Variants in MFN1 observed in about 807,000 individuals in gnomAD.
The protein encoded by MFN1 is mitofusin 1.
Under a neutral mutation model 92.4 loss-of-function variants are expected in MFN1, and 65 were observed. The observed-to-expected ratio is 0.70, with a 90% confidence interval of 0.58 to 0.86. MFN1 has a LOEUF of 0.86. Ranked by LOEUF, MFN1 falls within the 40% of genes least tolerant of loss-of-function variation. The probability of loss-of-function intolerance (pLI) is 0.00; values close to 1 mark genes in which losing one functional copy is unlikely to be tolerated. For synonymous variants in MFN1, 297 were observed against 300.9 expected (o/e 0.99, Z 0.13); for missense variants, 781 against 868.0 (o/e 0.90, Z 1.26).
chr3:179,378,335 TAAC>T lies in MFN1; in HGVS notation c.1330-4_1330-2del, dbSNP rs762615937. ...AAATAATATGGATATTTACCATTGT[TAAC>T]AGGAATTAAATAAGCACATAGAGGA... On this transcript the variant is annotated splice_region_variant and splice_polypyrimidine_tract_variant and intron_variant, in intron 12 of 17. Coordinates refer to ENST00000471841, the MANE Select transcript of MFN1 (RefSeq NM_033540.3). The T allele has an allele frequency of 6.4e-7, 1 of 1,571,540 alleles. No individual in the cohort carries two copies. Among genetic ancestry groups the T allele is most frequent in the Non-Finnish European group, 8.6e-7 (1 of 1,159,812 alleles).
intron 5 of MFN1, 68 bp downstream of exon 5, chr3:179,362,550 C>T: frequency 7.3e-7 from 1 of 1,376,402 alleles, no homozygotes; most frequent in Non-Finnish European, 9.7e-7. Context: ...CTTACTTTAG[C>T]ATATGGTATA....
intron 16 of MFN1, among the ~76,000 whole-genome samples, chr3:179,387,857 T>G (rs1004723770): frequency 2.6e-5 from 4 of 151,776 alleles, no homozygotes; most frequent in African/African-American, 9.6e-5. Flanking sequence ...GCCTCCCAAG[T>G]AGCTGGGACT....
Position 179,367,605 on chromosome 3 carries a change from T to G in MFN1, c.907+13T>G, listed in dbSNP as rs1198888230. On this transcript the variant is annotated intron_variant, in intron 8 of 17. Coordinates refer to ENST00000471841, the MANE Select transcript of MFN1 (RefSeq NM_033540.3). Reference sequence around the variant, plus strand: ...ATGCCAGAAAGTGGTATGCATTACCTATAGATTTCCTGTTTAAATATAAAA... The same window carrying G: ...ATGCCAGAAAGTGGTATGCATTACCGATAGATTTCCTGTTTAAATATAAAA... 6.3e-7 allele frequency: 1 copy of G among 1,586,950 alleles called. No homozygotes were observed. The highest frequency in any genetic ancestry group is 8.5e-7 in the Non-Finnish European group (1 of 1,170,870).
chr3:179,380,599 C>T (rs1713427382), intron 14 of MFN1, among the ~76,000 whole-genome samples: 1 of 152,184 alleles, frequency 6.6e-6, no homozygotes, highest in African/African-American at 2.4e-5. Context: ...CTATTCTGCT[C>T]ATCGTCTAGC....
chr3:179,358,994 A>T lies in MFN1; in HGVS notation c.403A>T (p.Ser135Cys). 1.2e-6 allele frequency: 2 copies of T among 1,613,750 alleles called. No homozygotes were observed. The highest frequency in any genetic ancestry group is 4.5e-5 in the East Asian group (2 of 44,834). Reference sequence around the variant, plus strand: ...GACAGAAGGATCAGATGAAAAAAAGAGTGTGAAGGTATGATCTTTAACCTT... The same window carrying T: ...GACAGAAGGATCAGATGAAAAAAAGTGTGTGAAGGTATGATCTTTAACCTT... ...LMTEGSDEKK[S>C]VKTVNQLAHA... The change falls in exon 4 of 18, where the codon AGT (serine) becomes TGT (cysteine). Residue 135 changes from serine (S) to cysteine (C), a missense_variant. Physicochemically the swap from Ser to Cys is moderately radical, Grantham distance 112. Transcript: ENST00000471841.
chr3:179,384,050 T>A (rs1713576508), intron 14 of MFN1, among the ~76,000 whole-genome samples: 1 of 152,208 alleles, frequency 6.6e-6, no homozygotes, highest in South Asian at 2.1e-4. Flanking sequence ...TCTGGAGGTT[T>A]CCTATAAATG....
intron 14 of MFN1, among the ~76,000 whole-genome samples, chr3:179,381,925 G>C (rs1713482805): frequency 1.3e-5 from 2 of 152,168 alleles, no homozygotes; most frequent in Non-Finnish European, 1.5e-5. Context: ...CACTCAACCT[G>C]TAGTATGCTT....
intron 2 of MFN1, 44 bp downstream of exon 2, chr3:179,349,007 T>A (rs775898246): frequency 1.3e-6 from 2 of 1,486,904 alleles, no homozygotes; most frequent in African/African-American, 1.4e-5. Context: ...GTTGAAAATA[T>A]ATAAAAGTGC....
chr3:179,364,981 C>A, intron 6 of MFN1, 137 bp from the exon 7 acceptor site: 1 of 456,846 alleles, frequency 2.2e-6, no homozygotes, highest in Non-Finnish European at 3.9e-6. Context: ...AAGTTTAATG[C>A]TCATAGAGTG....
intron 16 of MFN1, among the ~76,000 whole-genome samples, chr3:179,387,191 T>TGA (rs1713717790): frequency 6.6e-6 from 1 of 152,114 alleles, no homozygotes; most frequent in South Asian, 2.1e-4. Flanking sequence ...CCTGAGTAGC[T>TGA]GAGATTATAG....
intron 7 of MFN1, among the ~76,000 whole-genome samples, chr3:179,366,305 G>A (rs762036458): frequency 2.6e-5 from 4 of 151,968 alleles, no homozygotes; most frequent in Non-Finnish European, 5.9e-5. Flanking sequence ...TAAATATATA[G>A]CACCAGAGTT....
Position 179,392,077 on chromosome 3 carries a change from G to A in MFN1, c.*18G>A. 2 of 1,550,248 alleles carry A rather than the reference G, an allele frequency of 1.3e-6. No homozygotes were observed. Among genetic ancestry groups the A allele is most frequent in the South Asian group, 1.1e-5 (1 of 87,284 alleles). On this transcript the variant is annotated 3_prime_UTR_variant, in exon 18 of 18. Coordinates refer to ENST00000471841, the MANE Select transcript of MFN1 (RefSeq NM_033540.3). ...AATCCTAACAATAGAGATTGCTTTGGTGACCATGATAGGAGGAAACGAAAC... is the reference window on the plus strand; with the variant it reads ...AATCCTAACAATAGAGATTGCTTTGATGACCATGATAGGAGGAAACGAAAC...
intron 13 of MFN1, 43 bp downstream of exon 13, chr3:179,378,486 A>T (rs775574210): frequency 1.2e-5 from 19 of 1,539,676 alleles, no homozygotes; most frequent in Non-Finnish European, 1.5e-5. Context: ...TTGTTTTTTC[A>T]TTCATGACTG....
At chr3:179,372,765 A>G (rs1179669672) in intron 9 of MFN1, among the ~76,000 whole-genome samples, 2 of 152,162 alleles carry the variant, frequency 1.3e-5, no homozygotes, top group Non-Finnish European at 2.9e-5. Context: ...TTCATTGCTG[A>G]TATCTAGATC....
At chr3:179,351,409 C>T (rs1017355891) in intron 2 of MFN1, among the ~76,000 whole-genome samples, 6 of 152,158 alleles carry the variant, frequency 3.9e-5, no homozygotes, top group Non-Finnish European at 7.3e-5. Context: ...AGCTGTTTCA[C>T]CTCATCCCTG....
chr3:179,364,998 G>T lies in MFN1; in HGVS notation c.646-120G>T. 3 of 501,278 alleles carry T rather than the reference G, an allele frequency of 6.0e-6. No homozygotes were observed. In the South Asian group the frequency reaches 1.4e-4, roughly 23 times the overall value. 31.1% of individuals were successfully genotyped at this position (501,278 alleles called of 1,614,324 possible). On this transcript the variant is annotated intron_variant, in intron 6 of 17. Coordinates refer to ENST00000471841, the MANE Select transcript of MFN1 (RefSeq NM_033540.3). Reference sequence around the variant, plus strand: ...GTTTAATGCTCATAGAGTGCTTTGGGATCCTTTGTCAGTGGTGTTAATTAC... The same window carrying T: ...GTTTAATGCTCATAGAGTGCTTTGGTATCCTTTGTCAGTGGTGTTAATTAC...
At position 179,392,287 on chromosome 3, in the gene MFN1, T is replaced by G; in HGVS notation, c.*228T>G. 2.9e-6 allele frequency: 1 copy of G among 345,872 alleles called. No individual in the cohort carries two copies. Among genetic ancestry groups the G allele is most frequent in the Non-Finnish European group, 5.2e-6 (1 of 191,458 alleles). The allele number at this position is 345,872 out of a possible 1,614,324, so 21.4% of individuals were successfully genotyped here. On this transcript the variant is annotated 3_prime_UTR_variant, in exon 18 of 18. Coordinates refer to ENST00000471841, the MANE Select transcript of MFN1 (RefSeq NM_033540.3). ...TAAAGAAAAGGCTAAAATCATGAAT[T>G]AGTTACAAGCAACAGTACCAACTTA...
intron 14 of MFN1, among the ~76,000 whole-genome samples, chr3:179,383,826 C>T (rs1041912669): frequency 2.6e-5 from 4 of 151,756 alleles, no homozygotes; most frequent in Non-Finnish European, 5.9e-5. Context: ...CACTGCTCAT[C>T]GAAATAAAAG....
At chr3:179,375,479 T>C (rs1713204686) in intron 10 of MFN1, 138 bp downstream of exon 10, 1 of 1,023,818 alleles carries the variant, frequency 9.8e-7, no homozygotes, top group Non-Finnish European at 1.4e-6. Flanking sequence ...TGCCTACTTC[T>C]ATATTTTTAA....
Sources: allele counts gnomAD v4.1 joint callset (sites outside exome capture counted in the v4.1 genomes callset), GRCh38; gene constraint gnomAD v4.1.1; transcripts MANE v1.5; gene names NCBI Gene and HGNC (gene_info 2026-07-23, HGNC 2026-07-21).